F13A1: variants seen among roughly 807,000 people sequenced by gnomAD.
F13A1 encodes FSF, A subunit.
A neutral mutation model predicts 80.1 loss-of-function variants in F13A1; 47 were observed. The ratio of observed to expected loss-of-function variants is 0.59; its 90% CI spans 0.46 to 0.75. The LOEUF is 0.75. Ranked by LOEUF, F13A1 falls within the 30% of genes least tolerant of loss-of-function variation. The pLI, the probability that F13A1 is intolerant of heterozygous loss-of-function variation, is 0.00. For synonymous variants in F13A1, 349 were observed against 344.9 expected (o/e 1.01, Z -0.13); for missense variants, 817 against 930.4 (o/e 0.88, Z 1.59).
chr6:6,251,024 T>C, intron 4 of F13A1, 95 bp from the exon 5 acceptor site: 1 of 972,484 alleles, frequency 1.0e-6, no homozygotes, highest in South Asian at 1.3e-5. Flanking sequence ...CTAAACTACA[T>C]TTAATCAGCC....
chr6:6,174,584 C>G lies in F13A1; in HGVS notation c.1743G>C (p.Leu581Phe). 6.2e-7 allele frequency: 1 copy of G among 1,614,122 alleles called. No individual in the cohort carries two copies. Among genetic ancestry groups the G allele is most frequent in the Non-Finnish European group, 8.5e-7 (1 of 1,180,016 alleles). Residue 581 changes from leucine to phenylalanine, a missense_variant, in exon 12 of 15, where the codon TTG becomes TTC. Coordinates refer to ENST00000264870, the MANE Select transcript of F13A1 (RefSeq NM_000129.4). ...KETFDVTLEPLSFKKEAVLIQ... is the reference protein window; with the variant it reads ...KETFDVTLEPFSFKKEAVLIQ... Reference sequence around the variant, plus strand: ...ACCACACCATTGTTAGCTTACAGGACAAGGGCTCCAGCGTCACGTCGAACG... The same window carrying G: ...ACCACACCATTGTTAGCTTACAGGAGAAGGGCTCCAGCGTCACGTCGAACG...
chr6:6,223,185 G>A (rs180968423), intron 7 of F13A1, among the ~76,000 whole-genome samples: 2 of 152,144 alleles, frequency 1.3e-5, no homozygotes, highest in East Asian at 3.9e-4. Context: ...CCATCTTCAG[G>A]TTTACTCTCG....
chr6:6,223,888 C>T (rs1435143397), intron 7 of F13A1, among the ~76,000 whole-genome samples: 1 of 152,124 alleles, frequency 6.6e-6, no homozygotes, highest in African/African-American at 2.4e-5. Flanking sequence ...CTTAATGTTT[C>T]TCCAAGGCTG....
intron 6 of F13A1, among the ~76,000 whole-genome samples, chr6:6,247,797 A>T (rs532587830): frequency 1.3e-5 from 2 of 152,322 alleles, no homozygotes; most frequent in African/African-American, 4.8e-5. Flanking sequence ...CTTACCACAC[A>T]GGATCCTGCA....
At chr6:6,157,753 A>G (rs997294860) in intron 13 of F13A1, among the ~76,000 whole-genome samples, 1 of 152,246 alleles carries the variant, frequency 6.6e-6, no homozygotes, top group East Asian at 1.9e-4. Context: ...GAGAATCAGT[A>G]GCCCAAACAT....
rs1006524655 is a variant in F13A1 at position 6,272,332 on chromosome 6, T to C, written c.320-5523A>G. Among the ~76,000 whole-genome samples the C allele has an allele frequency of 5.3e-5, 8 of 152,200 alleles. No individual in the cohort carries two copies. The East Asian group carries it at 9.6e-4, about 18-fold the overall frequency. On this transcript the variant is annotated intron_variant, in intron 3 of 14. Coordinates refer to ENST00000264870, the MANE Select transcript of F13A1 (RefSeq NM_000129.4). The stretch of plus-strand genomic sequence containing the variant: ...GTATGGTCAGTATGGTTGAATATTG[T>C]TCCTAATAGAACTGTTCTGACTCCA...
intron 3 of F13A1, among the ~76,000 whole-genome samples, chr6:6,286,640 T>C (rs1314986199): frequency 1.3e-5 from 2 of 152,208 alleles, no homozygotes; most frequent in East Asian, 3.8e-4. Flanking sequence ...CCAGTACATT[T>C]GCTGCCACTA....
At chr6:6,242,751 G>A (rs1022554571) in intron 6 of F13A1, among the ~76,000 whole-genome samples, 1 of 152,162 alleles carries the variant, frequency 6.6e-6, no homozygotes, top group African/African-American at 2.4e-5. Flanking sequence ...GTGACTAGCT[G>A]TTTGTATATA....
rs1407524350 is a variant in F13A1, at chr6:6,197,934, T to C, written c.1113-608A>G. Among the ~76,000 whole-genome samples the C allele has an allele frequency of 7.6e-5, 7 of 92,592 alleles. No individual in the cohort carries two copies. The East Asian group carries it at 1.9e-3, about 26-fold the overall frequency. The allele number at this position is 92,592 out of a possible 152,430, so 60.7% of individuals were successfully genotyped here. A position where few individuals can be genotyped will look rare whatever the true frequency, so the allele number is the denominator to read the frequency against. ...AACAGTTTTAATCTTAACCATTTTC[T>C]GCTGACTAACGAAACAACTTACTAG... On this transcript the variant is annotated intron_variant, in intron 8 of 14. Coordinates refer to ENST00000264870, the MANE Select transcript of F13A1 (RefSeq NM_000129.4).
intron 2 of F13A1, among the ~76,000 whole-genome samples, chr6:6,313,681 T>TTTA (rs1231633225): frequency 6.6e-6 from 1 of 152,100 alleles, no homozygotes; most frequent in Non-Finnish European, 1.5e-5. Flanking sequence ...AACTGATTTA[T>TTTA]TTAAAAAAAA....
At chr6:6,213,467 C>G (rs1174042074) in intron 8 of F13A1, among the ~76,000 whole-genome samples, 10 of 150,330 alleles carry the variant, frequency 6.7e-5, no homozygotes, top group Non-Finnish European at 1.0e-4. Context: ...ACTTTACAGA[C>G]AAGCAAATGC....
chr6:6,146,562 G>A (rs1347546489), intron 14 of F13A1, among the ~76,000 whole-genome samples: 1 of 152,150 alleles, frequency 6.6e-6, no homozygotes, highest in African/African-American at 2.4e-5. Context: ...GTTCTCTGGG[G>A]TGCTTCACAT....
intron 8 of F13A1, among the ~76,000 whole-genome samples, chr6:6,210,259 A>G (rs1761578828): frequency 7.1e-6 from 1 of 141,542 alleles, no homozygotes; most frequent in South Asian, 2.2e-4. Context: ...ATAAAAATAT[A>G]CTAAAAATTA....
chr6:6,206,795 A>G (rs1386563842), intron 8 of F13A1, among the ~76,000 whole-genome samples: 2 of 151,400 alleles, frequency 1.3e-5, no homozygotes, highest in Non-Finnish European at 2.9e-5. Flanking sequence ...GAAATGGAGA[A>G]ATAAAAGGAT....
chr6:6,145,247 GAA>G lies in F13A1; in HGVS notation c.*370_*371del. ...TCCCAAAAGGCTGAGTGGGGAATCT[GAA>G]GTCTTGTTTTAAATGAGGCCAGGTA... On this transcript the variant is annotated 3_prime_UTR_variant, in exon 15 of 15. Coordinates refer to ENST00000264870, the MANE Select transcript of F13A1 (RefSeq NM_000129.4). The G allele has an allele frequency of 3.4e-6, 1 of 290,552 alleles. No homozygotes were observed. Among genetic ancestry groups the G allele is most frequent in the South Asian group, 3.6e-5 (1 of 27,794 alleles). The allele number at this position is 290,552 out of a possible 1,614,324, so 18.0% of individuals were successfully genotyped here. A position where few individuals can be genotyped will look rare whatever the true frequency, so the allele number is the denominator to read the frequency against.
At position 6,151,934 on chromosome 6, in the gene F13A1, C is replaced by T. The variant is rs1367091013; in HGVS notation, c.1924G>A (p.Val642Ile). 1.2e-6 allele frequency: 2 copies of T among 1,614,048 alleles called. No individual in the cohort carries two copies. The highest frequency in any genetic ancestry group is 1.1e-5 in the South Asian group (1 of 91,086). The change falls in exon 14 of 15, where the codon GTA (valine) becomes ATA (isoleucine). Residue 642 changes from valine to isoleucine, a missense_variant. Coordinates refer to ENST00000264870, the MANE Select transcript of F13A1 (RefSeq NM_000129.4). ...EIIIKVRGTQ[V>I]VGSDMTVTVE... ...GTCACAGTCATGTCAGAACCAACTA[C>T]CTGAGTGCCACGGACCTAAGAGAGA...
intron 13 of F13A1, among the ~76,000 whole-genome samples, chr6:6,156,409 T>A (rs1760479775): frequency 6.6e-6 from 1 of 152,212 alleles, no homozygotes; most frequent in Non-Finnish European, 1.5e-5. Flanking sequence ...ATAACTGTAT[T>A]CAAAATTGAA....
At chr6:6,220,792 C>A (rs141635813) in intron 8 of F13A1, among the ~76,000 whole-genome samples, 15 of 152,270 alleles carry the variant, frequency 9.9e-5, no homozygotes, top group African/African-American at 3.6e-4. Context: ...TTGTCTTACA[C>A]GTGCCCTCCA....
intron 10 of F13A1, among the ~76,000 whole-genome samples, chr6:6,183,930 T>C (rs1761031968): frequency 6.6e-6 from 1 of 152,200 alleles, no homozygotes; most frequent in African/African-American, 2.4e-5. Flanking sequence ...GAACATGACT[T>C]GTAAATTTCA....
Sources: gnomAD v4.1 joint callset for allele counts (sites outside exome capture counted in the v4.1 genomes callset) on GRCh38, gnomAD v4.1.1 for gene constraint, MANE v1.5 for transcripts, NCBI Gene and HGNC (gene_info 2026-07-23, HGNC 2026-07-21) for gene names.